LSAMP: variants seen among roughly 807,000 people sequenced by gnomAD.
LSAMP encodes the protein limbic system-associated membrane protein.
In LSAMP, 7 loss-of-function variants were observed where a neutral mutation model predicts 38.6. That is an observed-to-expected ratio of 0.18 (90% CI 0.10 to 0.34). LSAMP has a LOEUF of 0.34. Ranked by LOEUF, LSAMP falls within the 10% of genes least tolerant of loss-of-function variation. The probability of loss-of-function intolerance (pLI) is 1.00; values close to 1 mark genes in which losing one functional copy is unlikely to be tolerated. For missense variants in LSAMP, 313 were observed against 420.0 expected, an observed-to-expected ratio of 0.75 and a Z score of 2.23; for synonymous variants, 154 against 166.8, an observed-to-expected ratio of 0.92 and a Z score of 0.59.
intron 3 of LSAMP, among the ~76,000 whole-genome samples, chr3:115,986,826 T>G (rs1939523158): frequency 1.3e-5 from 2 of 152,182 alleles, no homozygotes; most frequent in African/African-American, 4.8e-5. Context: ...TTTGGACCAA[T>G]GACTAATGTT....
Position 115,842,493 on chromosome 3 carries a change from A to G in LSAMP, c.735T>C (p.Pro245=), listed in dbSNP as rs780333918. 1 of 1,613,904 alleles carries G rather than the reference A, an allele frequency of 6.2e-7. No individual in the cohort carries two copies. The highest frequency in any genetic ancestry group is 1.1e-5 in the South Asian group (1 of 91,064). The change falls in exon 5 of 7, where the codon CCT becomes CCC. Residue 245 remains proline (P), a synonymous_variant. Coordinates refer to ENST00000490035, the MANE Select transcript of LSAMP (RefSeq NM_002338.5). ...CCCGGTACCACTCAAAGTCAGGTGC[A>G]GGCACTGCCGAGGCCTCACATTTGA... is the stretch of plus-strand genomic sequence containing the variant. ...ASLKCEASAV[P]APDFEWYRDD...
At chr3:116,043,236 A>G (rs888268282) in intron 2 of LSAMP, among the ~76,000 whole-genome samples, 3 of 152,162 alleles carry the variant, frequency 2.0e-5, no homozygotes, top group Non-Finnish European at 2.9e-5. Flanking sequence ...TTTTTTAAAA[A>G]CAAACTAACC....
chr3:115,928,279 CTTCT>C (rs1937523090), intron 3 of LSAMP, among the ~76,000 whole-genome samples: 1 of 152,112 alleles, frequency 6.6e-6, no homozygotes, highest in African/African-American at 2.4e-5. Context: ...ATTTGCTTCT[CTTCT>C]TTAATGATTA....
intron 3 of LSAMP, among the ~76,000 whole-genome samples, chr3:115,957,700 A>G (rs1938495750): frequency 6.6e-6 from 1 of 152,154 alleles, no homozygotes; most frequent in Non-Finnish European, 1.5e-5. Flanking sequence ...TCTTGCTTCC[A>G]TCTCAAAGCT....
chr3:116,358,930 A>G (rs116606470), intron 1 of LSAMP, among the ~76,000 whole-genome samples: 1 of 152,220 alleles, frequency 6.6e-6, no homozygotes, highest in Non-Finnish European at 1.5e-5. Flanking sequence ...AGTTATTTGC[A>G]GTTATAAACT....
Position 116,387,367 on chromosome 3 carries a change from C to T in LSAMP, c.155+57510G>A, listed in dbSNP as rs142304721. Among the ~76,000 whole-genome samples the T allele has an allele frequency of 4.5e-3, 689 of 152,174 alleles. 9 individuals are homozygous for T. Among genetic ancestry groups the T allele is most frequent in the African/African-American group, 0.016 (655 of 41,504 alleles). ...CTACAATTAGAACAATTTAGATATT[C>T]AATGTCAGATACAGAAGAGTCAGAG... On this transcript the variant is annotated intron_variant, in intron 1 of 6. Transcript: ENST00000490035.
chr3:116,156,122 C>T (rs947736422), intron 1 of LSAMP, among the ~76,000 whole-genome samples: 1 of 152,072 alleles, frequency 6.6e-6, no homozygotes, highest in Non-Finnish European at 1.5e-5. Flanking sequence ...GTGAAAATTC[C>T]AGCTCTCTTT....
chr3:116,348,695 G>A (rs1343929519), intron 1 of LSAMP, among the ~76,000 whole-genome samples: 1 of 152,064 alleles, frequency 6.6e-6, no homozygotes, highest in African/African-American at 2.4e-5. Context: ...ATCCTCACTA[G>A]AAGCTGCATT....
intron 1 of LSAMP, among the ~76,000 whole-genome samples, chr3:116,228,059 T>C (rs1190641198): frequency 6.6e-6 from 1 of 152,116 alleles, no homozygotes; most frequent in East Asian, 1.9e-4. Flanking sequence ...AAATTATTAG[T>C]AGACTTTGCC....
intron 2 of LSAMP, among the ~76,000 whole-genome samples, chr3:116,053,293 G>A (rs970220225): frequency 1.3e-5 from 2 of 152,188 alleles, no homozygotes; most frequent in African/African-American, 4.8e-5. Flanking sequence ...TGGTTATTGA[G>A]CTTCTAGCTC....
chr3:115,882,910 C>T (rs1340110751), intron 3 of LSAMP, among the ~76,000 whole-genome samples: 1 of 152,044 alleles, frequency 6.6e-6, no homozygotes, highest in Admixed American at 6.6e-5. Context: ...CTTTCCCCCA[C>T]TTGTATCCTT....
At chr3:116,000,816 T>C (rs1939968700) in intron 3 of LSAMP, among the ~76,000 whole-genome samples, 2 of 152,164 alleles carry the variant, frequency 1.3e-5, no homozygotes, top group African/African-American at 4.8e-5. Flanking sequence ...ACCTAACCCC[T>C]TTTCTAGTAG....
chr3:115,966,185 C>A (rs1014724188), intron 3 of LSAMP, among the ~76,000 whole-genome samples: 1 of 152,160 alleles, frequency 6.6e-6, no homozygotes, highest in Non-Finnish European at 1.5e-5. Context: ...TGTTGCCAGC[C>A]AAAATGTGGA....
At chr3:116,211,504 A>G (rs1395067313) in intron 1 of LSAMP, among the ~76,000 whole-genome samples, 1 of 152,228 alleles carries the variant, frequency 6.6e-6, no homozygotes. Flanking sequence ...TAATAAAGCA[A>G]TAACCAAGAC....
At chr3:116,115,847 C>CT (rs969929493) in intron 1 of LSAMP, among the ~76,000 whole-genome samples, 10 of 151,556 alleles carry the variant, frequency 6.6e-5, no homozygotes, top group Non-Finnish European at 1.3e-4. Context: ...TTTTTTGTTT[C>CT]TTTTTTTCCT....
intron 1 of LSAMP, among the ~76,000 whole-genome samples, chr3:116,313,668 A>G (rs1042340513): frequency 6.6e-6 from 1 of 152,176 alleles, no homozygotes; most frequent in African/African-American, 2.4e-5. Context: ...AAAACTTAGA[A>G]TGTGGTCAGG....
chr3:116,421,298 G>T (rs1046066611), intron 1 of LSAMP, among the ~76,000 whole-genome samples: 1 of 152,136 alleles, frequency 6.6e-6, no homozygotes, highest in Non-Finnish European at 1.5e-5. Context: ...GGCCAGGCGT[G>T]GTAGCTCATG....
At chr3:115,953,944 G>A (rs754048042) in intron 3 of LSAMP, among the ~76,000 whole-genome samples, 1 of 152,122 alleles carries the variant, frequency 6.6e-6, no homozygotes, top group Non-Finnish European at 1.5e-5. Flanking sequence ...GTCTCGTTCT[G>A]TAAGAGGCCA....
At chr3:116,249,148 C>CAAAAAA (rs56255627) in intron 1 of LSAMP, among the ~76,000 whole-genome samples, 1 of 126,284 alleles carries the variant, frequency 7.9e-6, no homozygotes, top group African/African-American at 3.1e-5. Context: ...GACTCTGTCT[C>CAAAAAA]AAAAAAAAAA....
Sources: allele counts gnomAD v4.1 joint callset (sites outside exome capture counted in the v4.1 genomes callset), GRCh38; gene constraint gnomAD v4.1.1; transcripts MANE v1.5; gene names NCBI Gene and HGNC (gene_info 2026-07-23, HGNC 2026-07-21).